UBA6: variants seen among roughly 807,000 people sequenced by gnomAD.
The protein encoded by UBA6 is ubiquitin like modifier activating enzyme 6.
Under a neutral mutation model 148.3 loss-of-function variants are expected in UBA6, and 87 were observed. The observed-to-expected ratio is 0.59, with a 90% CI of 0.49 to 0.70. The LOEUF (loss-of-function observed/expected upper bound fraction) is 0.70, where lower values mean the gene tolerates loss of function less well. Among genes scored for constraint, UBA6 ranks in the 30% least tolerant of loss-of-function variants. The pLI, the probability that UBA6 is intolerant of heterozygous loss-of-function variation, is 0.00. For missense variants in UBA6, 1,186 were observed against 1,241.2 expected (o/e 0.96, Z 0.67); for synonymous variants, 376 against 401.0 (o/e 0.94, Z 0.75).
At chr4:67,670,961 T>A (rs1017878) in intron 7 of UBA6, among the ~76,000 whole-genome samples, 1 of 151,956 alleles carries the variant, frequency 6.6e-6, no homozygotes, top group Non-Finnish European at 1.5e-5. Context: ...ACTTGTTATT[T>A]TAGGAAAGAG....
In UBA6 at chr4:67,663,184, G is replaced by A. The variant is rs1464310403; in HGVS notation, c.992C>T (p.Ala331Val). 6.2e-7 allele frequency: 1 copy of A among 1,611,388 alleles called. No homozygotes were observed. Among genetic ancestry groups the A allele is most frequent in the East Asian group, 2.2e-5 (1 of 44,758 alleles). The change falls in exon 12 of 33, where the codon GCC (alanine) becomes GTC (valine). Residue 331 changes from alanine (A) to valine (V), a missense_variant. Transcript: ENST00000322244. ...APLEIHTAML[A>V]LDQFQEKYSR... ...GTATTTCTCCTGAAACTGGTCCAAG[G>A]CAAGCATAGCTGTGTGAATCTCTAA...
chr4:67,630,255 A>G (rs1460654625), intron 26 of UBA6, among the ~76,000 whole-genome samples: 3 of 152,140 alleles, frequency 2.0e-5, no homozygotes, highest in African/African-American at 7.2e-5. Flanking sequence ...CACTGCTTCA[A>G]TTCAGAAGGA....
chr4:67,698,533 C>T (rs1730894333), intron 1 of UBA6, among the ~76,000 whole-genome samples: 1 of 152,146 alleles, frequency 6.6e-6, no homozygotes, highest in Admixed American at 6.5e-5. Context: ...GGGAGGTTAA[C>T]TTAAAATTTG....
rs115535326 is a variant in UBA6 at position 67,643,466 on chromosome 4, C to T, written c.1476+1232G>A. Reference sequence around the variant, plus strand: ...TAGTGGTCTTAAATTTGTTATATTCCGTTCTCTGCTTTAAGTTTTATATGA... The same window carrying T: ...TAGTGGTCTTAAATTTGTTATATTCTGTTCTCTGCTTTAAGTTTTATATGA... On this transcript the variant is annotated intron_variant, in intron 17 of 32. Transcript: ENST00000322244. Among the ~76,000 whole-genome samples the T allele has an allele frequency of 2.8e-3, 423 of 151,858 alleles. 3 individuals carry two copies. The highest frequency in any genetic ancestry group is 9.8e-3 in the African/African-American group (407 of 41,456).
At chr4:67,691,252 T>C (rs2109958451) in intron 2 of UBA6, among the ~76,000 whole-genome samples, 1 of 151,968 alleles carries the variant, frequency 6.6e-6, no homozygotes, top group South Asian at 2.1e-4. Context: ...TTTACTACCA[T>C]AAAATATACA....
At position 67,634,518 on chromosome 4, in the gene UBA6, G is replaced by A. The variant is rs372111530; in HGVS notation, c.1843C>T (p.Arg615Trp). 1.4e-5 allele frequency: 22 copies of A among 1,553,508 alleles called. No homozygotes were observed. Among genetic ancestry groups the A allele is most frequent in the Admixed American group, 2.2e-5 (1 of 44,510 alleles). ...PHLTESYNSH[R>W]DPPEEEIPFC... is the part of the protein sequence containing the mutation. ...GGTATTTCCTCTTCTGGGGGATCCC[G>A]CTAATTTATAAAATATGACAACAGG... is the stretch of plus-strand genomic sequence containing the variant. Residue 615 changes from arginine (R) to tryptophan (W), a missense_variant and splice_region_variant, in exon 21 of 33, where the codon CGG becomes TGG. Transcript: ENST00000322244.
chr4:67,633,127 A>C (rs1164818838), intron 23 of UBA6, among the ~76,000 whole-genome samples: 1 of 152,082 alleles, frequency 6.6e-6, no homozygotes, highest in Admixed American at 6.6e-5. Flanking sequence ...ATCTCAGCAA[A>C]ATTTCTGACT....
chr4:67,624,404 G>A (rs12331690), intron 29 of UBA6, 151 bp from the exon 30 acceptor site: 83,190 of 592,204 alleles, frequency 0.14, 6,474 homozygotes, highest in Middle Eastern at 0.22. Flanking sequence ...CTTATTACAG[G>A]TCTGTATACT....
At chr4:67,661,738 CA>C (rs1729862941) in intron 13 of UBA6, 2 of 167,866 alleles carry the variant, frequency 1.2e-5, no homozygotes, top group African/African-American at 2.4e-5. Flanking sequence ...ATAACACACA[CA>C]AAAAAACCAT....
chr4:67,625,017 T>C lies in UBA6; in HGVS notation c.2689A>G (p.Thr897Ala), dbSNP rs1458546379. 1.9e-6 allele frequency: 3 copies of C among 1,608,894 alleles called. No homozygotes were observed. Among genetic ancestry groups the C allele is most frequent in the African/African-American group, 1.3e-5 (1 of 74,842 alleles). Residue 897 changes from threonine (T) to alanine (A), a missense_variant, in exon 29 of 33, where the codon ACC becomes GCC. Thr to Ala is a moderately conservative substitution (Grantham distance 58). Coordinates refer to ENST00000322244, the MANE Select transcript of UBA6 (RefSeq NM_018227.6). ...ACCAAGCCAGAAACTGTAGCAGTGGTTGTTGCTATAGCAGGTATAATTTTA... is the reference window on the plus strand; with the variant it reads ...ACCAAGCCAGAAACTGTAGCAGTGGCTGTTGCTATAGCAGGTATAATTTTA... ...AGKIIPAIAT[T>A]TATVSGLVAL...
chr4:67,687,329 C>T (rs545232527), intron 2 of UBA6, among the ~76,000 whole-genome samples: 2 of 152,064 alleles, frequency 1.3e-5, no homozygotes, highest in Non-Finnish European at 2.9e-5. Context: ...CCACTGCACC[C>T]GACCAATATT....
intron 23 of UBA6, 52 bp downstream of exon 23, chr4:67,633,293 C>A: frequency 6.9e-7 from 1 of 1,449,590 alleles, no homozygotes; most frequent in Non-Finnish European, 9.1e-7. Flanking sequence ...TTGTTAATAA[C>A]TAAATAAGCC....
At position 67,671,974 on chromosome 4, in the gene UBA6, GC is replaced by G. The variant is rs552129808; in HGVS notation, c.547-1383del. The stretch of plus-strand genomic sequence containing the variant: ...CTCATCTATCTACAAGTTCTGTTAG[GC>G]CCCCACCCCACCCCACCTTTTTTTT... On this transcript the variant is annotated intron_variant, in intron 7 of 32. Transcript: ENST00000322244. 2.9e-4 allele frequency among the ~76,000 whole-genome samples: 44 copies of G among 151,542 alleles called. No individual in the cohort carries two copies. The South Asian group carries it at 9.0e-3, about 31-fold the overall frequency.
At chr4:67,686,645 G>A (rs1017904927) in intron 2 of UBA6, among the ~76,000 whole-genome samples, 3 of 151,920 alleles carry the variant, frequency 2.0e-5, no homozygotes, top group East Asian at 1.9e-4. Flanking sequence ...AATTATAAAC[G>A]GGCATAAATA....
At chr4:67,627,489 C>T (rs374503926) in intron 27 of UBA6, among the ~76,000 whole-genome samples, 17 of 152,010 alleles carry the variant, frequency 1.1e-4, no homozygotes, top group African/African-American at 3.9e-4. Flanking sequence ...GAAAACATAC[C>T]GAAGCAAGAG....
chr4:67,629,781 T>G (rs1728953831), intron 26 of UBA6, among the ~76,000 whole-genome samples: 1 of 152,046 alleles, frequency 6.6e-6, no homozygotes, highest in Non-Finnish European at 1.5e-5. Flanking sequence ...AGTTTATTTG[T>G]ATGAATTCCA....
chr4:67,630,538 T>G lies in UBA6; in HGVS notation c.2259-3A>C. The G allele has an allele frequency of 3.2e-6, 5 of 1,566,736 alleles. No individual in the cohort carries two copies. The highest frequency in any genetic ancestry group is 3.5e-6 in the Non-Finnish European group (4 of 1,156,946). ...CATTCTGAAGGAAACTGAGGTGCCT[T>G]TTGAAATTAAAAAATAAAGCAAAAT... is the stretch of plus-strand genomic sequence containing the variant. On this transcript the variant is annotated splice_polypyrimidine_tract_variant and splice_region_variant and intron_variant, in intron 25 of 32. Transcript: ENST00000322244.
chr4:67,633,032 A>G (rs567182999), intron 23 of UBA6, among the ~76,000 whole-genome samples: 20 of 152,226 alleles, frequency 1.3e-4, no homozygotes, highest in Admixed American at 6.5e-5. Context: ...TACCTTATGT[A>G]TTAGGTACAA....
chr4:67,653,623 C>T (rs189141134), intron 13 of UBA6, among the ~76,000 whole-genome samples: 427 of 152,288 alleles, frequency 2.8e-3, no homozygotes, highest in Non-Finnish European at 4.6e-3. Context: ...CAGAGTGCCT[C>T]TTCTCCTCCA....
Sources: allele counts gnomAD v4.1 joint callset (sites outside exome capture counted in the v4.1 genomes callset), GRCh38; gene constraint gnomAD v4.1.1; transcripts MANE v1.5; gene names NCBI Gene and HGNC (gene_info 2026-07-23, HGNC 2026-07-21).